GPR65: variants seen among roughly 807,000 people sequenced by gnomAD.
The protein encoded by GPR65 is G protein-coupled receptor 65, also known as T-cell death-associated gene 8 protein.
GPR65 carries 2 observed loss-of-function variants against 0.7 expected under a neutral mutation model. The observed-to-expected ratio is 2.83, with a 90% CI of 1.16 to 8.92. The LOEUF (loss-of-function observed/expected upper bound fraction) is 8.92. GPR65 is among the 30% of genes most tolerant of loss of function. GPR65 has a pLI of 0.04. For synonymous variants in GPR65, 128 were observed against 146.5 expected (o/e 0.87, Z 0.91); for missense variants, 379 against 399.4 (o/e 0.95, Z 0.43).
At chr14:88,009,258 C>A (rs1241123962) in intron 1 of GPR65, among the ~76,000 whole-genome samples, 6 of 152,044 alleles carry the variant, frequency 3.9e-5, no homozygotes, top group Admixed American at 3.9e-4. Flanking sequence ...TCCCTGATAA[C>A]AGCTCCCACC....
In GPR65 at chr14:88,011,852, C is replaced by A; in HGVS notation, c.1005C>A (p.Val335=). 1 of 1,548,566 alleles carries A rather than the reference C, an allele frequency of 6.5e-7. No homozygotes were observed. Among genetic ancestry groups the A allele is most frequent in the South Asian group, 1.2e-5 (1 of 80,556 alleles). The change falls in exon 2 of 2, where the codon GTC becomes GTA. Residue 335 remains valine, a synonymous_variant. Coordinates refer to ENST00000267549, the MANE Select transcript of GPR65 (RefSeq NM_003608.4). ...CAAAAGATACTATGGAATTAGAGGT[C>A]CTTGAGTAGAACCAAGGATGTTTTG... is the stretch of plus-strand genomic sequence containing the variant. ...VSTKDTMELE[V]LE is the part of the protein sequence containing the mutation.
chr14:88,006,145 A>G (rs771248276), intron 1 of GPR65, among the ~76,000 whole-genome samples: 15 of 152,226 alleles, frequency 9.9e-5, no homozygotes, highest in Non-Finnish European at 1.6e-4. Flanking sequence ...CTTTTCTGCT[A>G]TGCTGTGGCT....
At chr14:88,009,236 C>T (rs192583284) in intron 1 of GPR65, among the ~76,000 whole-genome samples, 13 of 152,104 alleles carry the variant, frequency 8.5e-5, no homozygotes, top group East Asian at 1.9e-4. Context: ...AGAGCTCCGG[C>T]GCTCACTCAC....
rs1250197700 is a variant in GPR65 at position 88,010,497 on chromosome 14, A to G, written c.-351A>G. 1.6e-5 allele frequency: 3 copies of G among 189,816 alleles called. No homozygotes were observed. Among genetic ancestry groups the G allele is most frequent in the African/African-American group, 7.1e-5 (3 of 42,504 alleles). The allele number at this position is 189,816 out of a possible 1,614,324, so 11.8% of individuals were successfully genotyped here. The stretch of plus-strand genomic sequence containing the variant: ...ATTTATGAAGAAAAACAAATTGCGG[A>G]CAACTCTCTATGTACACTTACAAAT... On this transcript the variant is annotated 5_prime_UTR_variant, in exon 2 of 2. Coordinates refer to ENST00000267549, the MANE Select transcript of GPR65 (RefSeq NM_003608.4).
rs146436727 is a variant in GPR65 at position 88,008,115 on chromosome 14, CTCTACATGCCA to C, written c.-459-2270_-459-2260del. 2.0e-3 allele frequency among the ~76,000 whole-genome samples: 297 copies of C among 152,244 alleles called. 7 individuals carry two copies. In the East Asian group the frequency reaches 0.037, roughly 19 times the overall value. On this transcript the variant is annotated intron_variant, in intron 1 of 1. Transcript: ENST00000267549. ...AAACAGATGTTTGTTTGTCAAGATGCTCTACATGCCATCTCACACAGCCTTTTGATTCCACT... is the reference window on the plus strand; with the variant it reads ...AAACAGATGTTTGTTTGTCAAGATGCTCTCACACAGCCTTTTGATTCCACT...
At chr14:88,009,150 T>A (rs1232600700) in intron 1 of GPR65, among the ~76,000 whole-genome samples, 1 of 152,168 alleles carries the variant, frequency 6.6e-6, no homozygotes, top group East Asian at 1.9e-4. Flanking sequence ...CTTACCTGCA[T>A]AGGCCCAAGT....
Position 88,011,279 on chromosome 14 carries a change from C to G in GPR65, c.432C>G (p.Ile144Met). 1.2e-6 allele frequency: 2 copies of G among 1,613,748 alleles called. No homozygotes were observed. The highest frequency in any genetic ancestry group is 1.7e-6 in the Non-Finnish European group (2 of 1,179,740). Residue 144 changes from isoleucine (I) to methionine (M), a missense_variant, in exon 2 of 2, where the codon ATC becomes ATG. Physicochemically the swap from Ile to Met is conservative, Grantham distance 10 (BLOSUM62 1). Coordinates refer to ENST00000267549, the MANE Select transcript of GPR65 (RefSeq NM_003608.4). ...VSLSIWILETIFNAVMLWEDE... is the reference protein window; with the variant it reads ...VSLSIWILETMFNAVMLWEDE... ...TGTCCATCTGGATATTGGAAACCAT[C>G]TTCAATGCTGTCATGTTGTGGGAAG...
At chr14:88,006,512 T>C (rs1887596259) in intron 1 of GPR65, among the ~76,000 whole-genome samples, 1 of 152,192 alleles carries the variant, frequency 6.6e-6, no homozygotes, top group Admixed American at 6.5e-5. Context: ...CCATCCTGTC[T>C]TGTGGTTAAG....
chr14:88,013,097 A>G lies in GPR65; in HGVS notation c.*1236A>G, dbSNP rs1376930292. ...AGTCTTGCTCTGTAATCCAGGCTAG[A>G]GTGTAGTGGTGCGATCTCCACTCAC... is the stretch of plus-strand genomic sequence containing the variant. On this transcript the variant is annotated 3_prime_UTR_variant, in exon 2 of 2. Transcript: ENST00000267549. 1 of 143,860 alleles carries G rather than the reference A, an allele frequency of 7.0e-6. No homozygotes were observed. The highest frequency in any genetic ancestry group is 2.6e-5 in the African/African-American group (1 of 38,582). 8.9% of individuals were successfully genotyped at this position (143,860 alleles called of 1,614,324 possible).
At position 88,011,013 on chromosome 14, in the gene GPR65, T is replaced by A; in HGVS notation, c.166T>A (p.Leu56Met). 4 of 1,613,558 alleles carry A rather than the reference T, an allele frequency of 2.5e-6. No individual in the cohort carries two copies. The highest frequency in any genetic ancestry group is 1.7e-5 in the Admixed American group (1 of 60,008). Reference sequence around the variant, plus strand: ...TGAACTAGGAATTTACCTCTTCAGTTTGTCACTATCAGATTTACTCTATGC... The same window carrying A: ...TGAACTAGGAATTTACCTCTTCAGTATGTCACTATCAGATTTACTCTATGC... ...ESELGIYLFS[L>M]SLSDLLYALT... Residue 56 changes from leucine (L) to methionine (M), a missense_variant, in exon 2 of 2, where the codon TTG becomes ATG. By Grantham distance (15) the Leu-to-Met change is conservative. Transcript: ENST00000267549.
At chr14:88,009,890 G>A (rs1391234577) in intron 1 of GPR65, among the ~76,000 whole-genome samples, 3 of 152,140 alleles carry the variant, frequency 2.0e-5, no homozygotes, top group African/African-American at 7.2e-5. Flanking sequence ...TTAACAAACT[G>A]CTACATTTTA....
Position 88,011,004 on chromosome 14 carries a change from C to G in GPR65, c.157C>G (p.Leu53Val), listed in dbSNP as rs764064545. ...GAAGGAAAGTGAACTAGGAATTTAC[C>G]TCTTCAGTTTGTCACTATCAGATTT... The part of the protein sequence containing the change: ...AKKESELGIY[L>V]FSLSLSDLLY... Residue 53 changes from leucine to valine, a missense_variant, in exon 2 of 2, where the codon CTC becomes GTC. Transcript: ENST00000267549. The G allele has an allele frequency of 6.2e-7, 1 of 1,613,458 alleles. No individual in the cohort carries two copies. Among genetic ancestry groups the G allele is most frequent in the South Asian group, 1.1e-5 (1 of 91,068 alleles).
At position 88,014,626 on chromosome 14, in the gene GPR65, C is replaced by T. The variant is rs1306997546; in HGVS notation, c.*2765C>T. 3 of 151,976 alleles carry T rather than the reference C, an allele frequency of 2.0e-5. No homozygotes were observed. The highest frequency in any genetic ancestry group is 4.4e-5 in the Non-Finnish European group (3 of 67,980). The allele number at this position is 151,976 out of a possible 1,614,324, so 9.4% of individuals were successfully genotyped here. A position where few individuals can be genotyped will look rare whatever the true frequency, so the allele number is the denominator to read the frequency against. ...ATTTTCTGAAGCTCTTTATGATGCA[C>T]CGGTGCATTTTTATTTAAAAAATAG... On this transcript the variant is annotated 3_prime_UTR_variant, in exon 2 of 2. Coordinates refer to ENST00000267549, the MANE Select transcript of GPR65 (RefSeq NM_003608.4).
chr14:88,007,087 T>C (rs958829162), intron 1 of GPR65, among the ~76,000 whole-genome samples: 3 of 152,296 alleles, frequency 2.0e-5, no homozygotes, highest in Non-Finnish European at 4.4e-5. Context: ...CTAAATTCCA[T>C]CCTTCATAGG....
intron 1 of GPR65, among the ~76,000 whole-genome samples, chr14:88,009,871 T>A (rs1282842923): frequency 6.6e-6 from 1 of 152,240 alleles, no homozygotes; most frequent in Non-Finnish European, 1.5e-5. Flanking sequence ...TCTAATTATA[T>A]GCTAAGGCTT....
intron 1 of GPR65, among the ~76,000 whole-genome samples, chr14:88,007,027 C>T (rs1174449783): frequency 6.6e-6 from 1 of 152,094 alleles, no homozygotes; most frequent in African/African-American, 2.4e-5. Flanking sequence ...CAATTTGGAA[C>T]TTTTAATCTT....
At chr14:88,009,777 C>G (rs981737733) in intron 1 of GPR65, among the ~76,000 whole-genome samples, 2 of 152,118 alleles carry the variant, frequency 1.3e-5, no homozygotes, top group Admixed American at 1.3e-4. Context: ...TAAGAACATT[C>G]TGTCCTCTCA....
At chr14:88,007,792 ATGTGTGTGTGTG>A (rs3994051) in intron 1 of GPR65, among the ~76,000 whole-genome samples, 1 of 136,166 alleles carries the variant, frequency 7.3e-6, no homozygotes, top group African/African-American at 2.8e-5. Context: ...CTCTGTGTGT[ATGTGTGTGTGTG>A]TGTGTGTGTG....
chr14:88,008,252 C>A lies in GPR65; in HGVS notation c.-459-2137C>A, dbSNP rs559825049. Among the ~76,000 whole-genome samples the A allele has an allele frequency of 1.3e-4, 20 of 152,250 alleles. No individual in the cohort carries two copies. The South Asian group carries it at 2.9e-3, about 22-fold the overall frequency. ...CTACAAACTGAGCATGCTCATGGAA[C>A]CAGCCACCCCTACCAAGAGATAGAA... On this transcript the variant is annotated intron_variant, in intron 1 of 1. Coordinates refer to ENST00000267549, the MANE Select transcript of GPR65 (RefSeq NM_003608.4).
Sources: allele counts gnomAD v4.1 joint callset (sites outside exome capture counted in the v4.1 genomes callset), GRCh38; gene constraint gnomAD v4.1.1; transcripts MANE v1.5; gene names NCBI Gene and HGNC (gene_info 2026-07-23, HGNC 2026-07-21).